TRIM54: variants seen among roughly 807,000 people sequenced by gnomAD.
TRIM54 encodes the protein tripartite motif containing 54.
A neutral mutation model predicts 42.0 loss-of-function variants in TRIM54; 40 were observed. That is an observed-to-expected ratio of 0.95 (90% confidence interval 0.74 to 1.24). The LOEUF is 1.24. Ranked by LOEUF, TRIM54 falls within the 50% of genes most tolerant of loss-of-function variation. TRIM54 has a pLI of 0.00. For synonymous variants in TRIM54, 199 were observed against 194.9 expected, an observed-to-expected ratio of 1.02 and a Z score of -0.17; for missense variants, 485 against 480.3, an observed-to-expected ratio of 1.01 and a Z score of -0.09.
Position 27,299,148 on chromosome 2 carries a change from G to A in TRIM54, c.342-97G>A, listed in dbSNP as rs557770550. ...TTCAGCCACAGCACTAGCTGCAGGG[G>A]CGGAGAAGGTGGTGGCAGTTGGTGG... On this transcript the variant is annotated intron_variant, in intron 2 of 8. Transcript: ENST00000380075. 24 of 1,394,644 alleles carry A rather than the reference G, an allele frequency of 1.7e-5. No homozygotes were observed. In the Admixed American group the frequency reaches 4.2e-4, roughly 25 times the overall value. The allele number at this position is 1,394,644 out of a possible 1,614,324, so 86.4% of individuals were successfully genotyped here. A position where few individuals can be genotyped will look rare whatever the true frequency, so the allele number is the denominator to read the frequency against.
intron 3 of TRIM54, 40 bp from the exon 4 acceptor site, chr2:27,304,919 C>A: frequency 6.3e-7 from 1 of 1,587,582 alleles, no homozygotes; most frequent in Non-Finnish European, 8.6e-7. Flanking sequence ...TAGCTCTAGG[C>A]CAGGTCCCAG....
chr2:27,306,261 C>T lies in TRIM54; in HGVS notation c.915C>T (p.Gly305=). The T allele has an allele frequency of 6.2e-7, 1 of 1,614,064 alleles. No individual in the cohort carries two copies. Among genetic ancestry groups the T allele is most frequent in the Non-Finnish European group, 8.5e-7 (1 of 1,180,012 alleles). ...AGCTGGCAGGGCGGCCGGAGCCAGG[C>T]TATGAGAGCATGGAGCAATTCACCG... The part of the protein sequence containing the change: ...KVELAGRPEP[G]YESMEQFTVR... Residue 305 remains glycine (G), a synonymous_variant, in exon 7 of 9, where the codon GGC becomes GGT. Transcript: ENST00000380075. The surrounding 1 kb of genome is among the most constrained non-coding windows in gnomAD (Gnocchi z 6.1).
Position 27,297,443 on chromosome 2 carries a change from T to A in TRIM54, c.169-1124T>A, listed in dbSNP as rs547746784. 9.2e-5 allele frequency among the ~76,000 whole-genome samples: 14 copies of A among 152,330 alleles called. 1 individual carries two copies. In the South Asian group the frequency reaches 2.9e-3, roughly 32 times the overall value. ...CAGGGATCTCCCTTCTAGGATAGGA[T>A]GGAGCAACTACTCTAGGCAAGAGAT... is the stretch of plus-strand genomic sequence containing the variant. On this transcript the variant is annotated intron_variant, in intron 1 of 8. Coordinates refer to ENST00000380075, the MANE Select transcript of TRIM54 (RefSeq NM_187841.3).
At chr2:27,284,427 A>G (rs1246871600) in intron 1 of TRIM54, among the ~76,000 whole-genome samples, 2 of 151,514 alleles carry the variant, frequency 1.3e-5, no homozygotes, top group African/African-American at 4.9e-5. Flanking sequence ...GAAGACCAGC[A>G]CTCTGTGGTC....
At position 27,306,059 on chromosome 2, in the gene TRIM54, C is replaced by T. The variant is rs367895065; in HGVS notation, c.844-21C>T. ...CAGGTTGGCCCAGTGCTTACTCTCA[C>T]CCTCCTTTTCTTCCCTGCAGCAGGC... On this transcript the variant is annotated intron_variant, in intron 5 of 8. Transcript: ENST00000380075. The surrounding 1 kb of genome is among the most constrained non-coding windows in gnomAD (Gnocchi z 6.1). The T allele has an allele frequency of 6.2e-7, 1 of 1,613,590 alleles. No homozygotes were observed. The highest frequency in any genetic ancestry group is 8.5e-7 in the Non-Finnish European group (1 of 1,179,984).
At chr2:27,300,284 G>A (rs983565218) in intron 3 of TRIM54, among the ~76,000 whole-genome samples, 2 of 152,256 alleles carry the variant, frequency 1.3e-5, no homozygotes, top group East Asian at 1.9e-4. Flanking sequence ...CAATTCTCCT[G>A]CCTCAGCCTC....
chr2:27,299,062 T>G (rs1678949491), intron 2 of TRIM54, among the ~76,000 whole-genome samples, 183 bp from the exon 3 acceptor site: 1 of 152,172 alleles, frequency 6.6e-6, no homozygotes, highest in Non-Finnish European at 1.5e-5. Context: ...GATCCAGGCC[T>G]CCTCTATCTC....
At chr2:27,295,035 G>A (rs990100131) in intron 1 of TRIM54, among the ~76,000 whole-genome samples, 1 of 152,024 alleles carries the variant, frequency 6.6e-6, no homozygotes, top group South Asian at 2.1e-4. Flanking sequence ...ACTAAGTTAG[G>A]AGTGATTGTT....
chr2:27,285,404 G>A (rs760254726), intron 1 of TRIM54, among the ~76,000 whole-genome samples: 9 of 152,118 alleles, frequency 5.9e-5, no homozygotes, highest in Non-Finnish European at 8.8e-5. Context: ...TACCCTTAGA[G>A]CATTGCCTAG....
At chr2:27,284,064 T>A (rs984147341) in intron 1 of TRIM54, among the ~76,000 whole-genome samples, 2 of 151,528 alleles carry the variant, frequency 1.3e-5, no homozygotes, top group African/African-American at 4.9e-5. Context: ...ACCCAGGAGG[T>A]GGAGGTTGCC....
intron 5 of TRIM54, 28 bp downstream of exon 5, chr2:27,305,845 T>G (rs1679186587): frequency 3.2e-6 from 5 of 1,541,750 alleles, no homozygotes; most frequent in Non-Finnish European, 4.4e-6. Flanking sequence ...GTGGCAGCGC[T>G]GCACAGTGGC....
chr2:27,303,674 A>G (rs772714215), intron 3 of TRIM54, among the ~76,000 whole-genome samples: 1 of 152,178 alleles, frequency 6.6e-6, no homozygotes, highest in Non-Finnish European at 1.5e-5. Context: ...AAATATGCAC[A>G]ATTTAGGCCC....
At chr2:27,282,962 G>A (rs1186673276) in intron 1 of TRIM54, 63 bp downstream of exon 1, 1 of 1,522,430 alleles carries the variant, frequency 6.6e-7, no homozygotes, top group East Asian at 2.3e-5. Flanking sequence ...GACTGATCAG[G>A]TCAGAGCTGA....
Position 27,305,500 on chromosome 2 carries a change from G to A in TRIM54, c.610-84G>A, listed in dbSNP as rs990763946. 3 of 1,164,208 alleles carry A rather than the reference G, an allele frequency of 2.6e-6. No individual in the cohort carries two copies. The African/African-American group carries it at 4.6e-5, about 18-fold the overall frequency. 72.1% of individuals were successfully genotyped at this position (1,164,208 alleles called of 1,614,324 possible). ...TCACTACGGATGGGTCACTTTCTGT[G>A]TTGGTTCTCTGTGAGTACCCTGTGC... On this transcript the variant is annotated intron_variant, in intron 4 of 8. Coordinates refer to ENST00000380075, the MANE Select transcript of TRIM54 (RefSeq NM_187841.3).
chr2:27,299,337 C>A lies in TRIM54; in HGVS notation c.434C>A (p.Thr145Asn). The A allele has an allele frequency of 6.2e-7, 1 of 1,614,190 alleles. No individual in the cohort carries two copies. Among genetic ancestry groups the A allele is most frequent in the Non-Finnish European group, 8.5e-7 (1 of 1,180,046 alleles). Reference protein sequence around the residue: ...NIYCLSCEVPTCSLCKVFGAH... With the variant: ...NIYCLSCEVPNCSLCKVFGAH... Reference sequence around the variant, plus strand: ...TACTGCCTGAGCTGTGAGGTGCCCACCTGCTCTCTCTGCAAGGTCTTCGGT... The same window carrying A: ...TACTGCCTGAGCTGTGAGGTGCCCAACTGCTCTCTCTGCAAGGTCTTCGGT... The change falls in exon 3 of 9, where the codon ACC becomes AAC. Residue 145 changes from threonine to asparagine, a missense_variant. By Grantham distance (65) the Thr-to-Asn change is moderately conservative (BLOSUM62 0). Coordinates refer to ENST00000380075, the MANE Select transcript of TRIM54 (RefSeq NM_187841.3).
chr2:27,289,254 T>C (rs1374812065), intron 1 of TRIM54, among the ~76,000 whole-genome samples: 1 of 152,166 alleles, frequency 6.6e-6, no homozygotes, highest in Non-Finnish European at 1.5e-5. Flanking sequence ...ATACATATGG[T>C]TATAAAGGAA....
chr2:27,289,860 C>CTTTTTT (rs756771152), intron 1 of TRIM54, among the ~76,000 whole-genome samples: 97 of 100,630 alleles, frequency 9.6e-4, no homozygotes, highest in Non-Finnish European at 1.4e-3. Context: ...CTCTCTTTCT[C>CTTTTTT]TTTTTTTTTT....
In TRIM54 at chr2:27,285,792, C is replaced by T. The variant is rs1438024259; in HGVS notation, c.168+2893C>T. Among the ~76,000 whole-genome samples the T allele has an allele frequency of 2.6e-5, 4 of 152,166 alleles. No homozygotes were observed. In the East Asian group the frequency reaches 7.7e-4, roughly 29 times the overall value. ...ACCACAGTCTATTTAAATAATCTGT[C>T]CTCTAAAACATTTAGATGGTTTTCT... is the stretch of plus-strand genomic sequence containing the variant. On this transcript the variant is annotated intron_variant, in intron 1 of 8. Transcript: ENST00000380075.
chr2:27,298,841 T>A, intron 2 of TRIM54, 102 bp downstream of exon 2: 5 of 1,289,924 alleles, frequency 3.9e-6, no homozygotes, highest in Non-Finnish European at 4.3e-6. Flanking sequence ...TCAACCTGCC[T>A]GTTCTGTCTA....
Sources: gnomAD v4.1 joint callset for allele counts (sites outside exome capture counted in the v4.1 genomes callset) on GRCh38, gnomAD v4.1.1 for gene constraint, Gnocchi (gnomAD v3.1) non-coding constraint, MANE v1.5 for transcripts, NCBI Gene and HGNC (gene_info 2026-07-23, HGNC 2026-07-21) for gene names.